SGCZ: variants seen among roughly 807,000 people sequenced by gnomAD.
The protein encoded by SGCZ is sarcoglycan zeta.
In SGCZ, 40 loss-of-function variants were observed where a neutral mutation model predicts 41.3. The ratio of observed to expected loss-of-function variants is 0.97; its 90% CI spans 0.75 to 1.26. The LOEUF (loss-of-function observed/expected upper bound fraction) is 1.26, where lower values mean the gene tolerates loss of function less well. Among genes scored for constraint, SGCZ ranks in the 50% most tolerant of loss-of-function variants. The pLI is 0.00. For synonymous variants in SGCZ, 206 were observed against 137.5 expected (o/e 1.50, Z -3.49); for missense variants, 552 against 369.8 (o/e 1.49, Z -4.04).
intron 1 of SGCZ, among the ~76,000 whole-genome samples, chr8:15,170,562 T>G (rs986793935): frequency 6.6e-6 from 1 of 152,228 alleles, no homozygotes; most frequent in South Asian, 2.1e-4. Context: ...ACTGGGGAAT[T>G]TGAAAACCCA....
intron 2 of SGCZ, among the ~76,000 whole-genome samples, chr8:14,448,751 G>A (rs1800506738): frequency 6.6e-6 from 1 of 152,132 alleles, no homozygotes; most frequent in Non-Finnish European, 1.5e-5. Flanking sequence ...CGCCGTTGAT[G>A]CAAAGGCAAA....
chr8:15,222,765 G>C (rs1158373446), intron 1 of SGCZ, among the ~76,000 whole-genome samples: 2 of 151,996 alleles, frequency 1.3e-5, no homozygotes, highest in Non-Finnish European at 2.9e-5. Context: ...GAGTGTGTGT[G>C]TGTGTCTGTG....
At chr8:15,052,183 A>G (rs563585416) in intron 1 of SGCZ, among the ~76,000 whole-genome samples, 9 of 152,284 alleles carry the variant, frequency 5.9e-5, no homozygotes, top group African/African-American at 1.9e-4. Flanking sequence ...TAATAAAAGA[A>G]AGCAGAAATA....
chr8:14,193,100 T>C (rs1805157553), intron 4 of SGCZ, among the ~76,000 whole-genome samples: 2 of 151,900 alleles, frequency 1.3e-5, no homozygotes, highest in Admixed American at 6.6e-5. Flanking sequence ...ATCTTTTTTC[T>C]ATATTATTAT....
At chr8:14,776,784 C>T (rs1488867202) in intron 1 of SGCZ, among the ~76,000 whole-genome samples, 1 of 151,712 alleles carries the variant, frequency 6.6e-6, no homozygotes, top group African/African-American at 2.4e-5. Flanking sequence ...TGAGCTATGG[C>T]GCCCAGCCCA....
chr8:14,233,835 G>C (rs1806659385), intron 4 of SGCZ, among the ~76,000 whole-genome samples: 1 of 151,652 alleles, frequency 6.6e-6, no homozygotes, highest in African/African-American at 2.4e-5. Context: ...AGAAAATTTT[G>C]ACCTGGAGAA....
rs559758303 is a variant in SGCZ, at chr8:15,113,646, C to T, written c.39+123939G>A. 3.3e-5 allele frequency among the ~76,000 whole-genome samples: 5 copies of T among 152,290 alleles called. No homozygotes were observed. The East Asian group carries it at 9.7e-4, about 29-fold the overall frequency. On this transcript the variant is annotated intron_variant, in intron 1 of 7. Transcript: ENST00000382080. ...ATAAGGGGGGCCTCCTATATTCCTGCTTTCAGTCCCCCTTCCTCATACAGT... is the reference window on the plus strand; with the variant it reads ...ATAAGGGGGGCCTCCTATATTCCTGTTTTCAGTCCCCCTTCCTCATACAGT...
At chr8:14,522,257 T>C (rs1802812976) in intron 2 of SGCZ, among the ~76,000 whole-genome samples, 1 of 152,062 alleles carries the variant, frequency 6.6e-6, no homozygotes, top group Non-Finnish European at 1.5e-5. Flanking sequence ...TCTGGTTTTG[T>C]TATCAGGTTA....
chr8:14,632,763 T>A (rs940194837), intron 1 of SGCZ, among the ~76,000 whole-genome samples: 1 of 152,022 alleles, frequency 6.6e-6, no homozygotes, highest in Non-Finnish European at 1.5e-5. Flanking sequence ...ATTTCTATAT[T>A]GATTTAAAGT....
intron 1 of SGCZ, among the ~76,000 whole-genome samples, chr8:14,806,258 T>TA (rs1212656748): frequency 6.7e-6 from 1 of 148,944 alleles, no homozygotes; most frequent in Non-Finnish European, 1.5e-5. Context: ...AATAGAGACA[T>TA]AAAAAACCCT....
chr8:14,576,730 G>C (rs972625321), intron 1 of SGCZ, among the ~76,000 whole-genome samples: 3 of 152,102 alleles, frequency 2.0e-5, no homozygotes, highest in Admixed American at 6.6e-5. Flanking sequence ...AATTTCCTTG[G>C]ACAGCATTCA....
chr8:15,055,712 A>G (rs77277259), intron 1 of SGCZ, among the ~76,000 whole-genome samples: 5,967 of 152,288 alleles, frequency 0.039, 150 homozygotes, highest in Non-Finnish European at 0.057. Context: ...GGAGACCTTG[A>G]GAAGCAATGC....
chr8:14,291,560 C>A (rs972656072), intron 3 of SGCZ, among the ~76,000 whole-genome samples: 1 of 151,952 alleles, frequency 6.6e-6, no homozygotes, highest in Non-Finnish European at 1.5e-5. Context: ...GCTGTCTATA[C>A]TCTTTCAAGA....
chr8:14,784,910 A>AT, intron 1 of SGCZ, among the ~76,000 whole-genome samples: 1 of 85,552 alleles, frequency 1.2e-5, no homozygotes, highest in South Asian at 4.0e-4. Context: ...CTCAAAAAAA[A>AT]AAAATATATA....
intron 3 of SGCZ, among the ~76,000 whole-genome samples, chr8:14,312,266 A>G (rs1801571404): frequency 6.6e-6 from 1 of 152,192 alleles, no homozygotes; most frequent in Non-Finnish European, 1.5e-5. Context: ...GAAAAACACT[A>G]AACTAGTTTA....
At chr8:15,180,047 A>C (rs6989730) in intron 1 of SGCZ, among the ~76,000 whole-genome samples, 52,515 of 152,082 alleles carry the variant, frequency 0.35, 11,785 homozygotes, top group Non-Finnish European at 0.47. Context: ...AAAAAATTAA[A>C]AGTGATTACA....
chr8:14,699,342 A>G, intron 1 of SGCZ, among the ~76,000 whole-genome samples: 1 of 151,766 alleles, frequency 6.6e-6, no homozygotes, highest in Admixed American at 6.6e-5. Flanking sequence ...ATCTTCAGCA[A>G]GTCAACAATC....
intron 3 of SGCZ, among the ~76,000 whole-genome samples, chr8:14,250,396 C>A (rs191307444): frequency 1.4e-4 from 21 of 152,172 alleles, no homozygotes; most frequent in Admixed American, 3.9e-4. Flanking sequence ...TTTTTTAAAG[C>A]AATACTGCAG....
intron 1 of SGCZ, among the ~76,000 whole-genome samples, chr8:15,235,323 A>C (rs1398021809): frequency 6.6e-6 from 1 of 152,218 alleles, no homozygotes; most frequent in Non-Finnish European, 1.5e-5. Flanking sequence ...ATTTATTCCC[A>C]AAACTGGAGG....
Sources: gnomAD v4.1 joint callset for allele counts (sites outside exome capture counted in the v4.1 genomes callset) on GRCh38, gnomAD v4.1.1 for gene constraint, MANE v1.5 for transcripts, NCBI Gene and HGNC (gene_info 2026-07-23, HGNC 2026-07-21) for gene names.